The following TBC1D24 variants were observed in gnomAD, a reference collection of about 807,000 sequenced individuals.
TBC1D24 encodes TBC1 domain family member 24.
Under a neutral mutation model 50.7 loss-of-function variants are expected in TBC1D24, and 47 were observed. That is an observed-to-expected ratio of 0.93 (90% CI 0.73 to 1.18). The LOEUF (loss-of-function observed/expected upper bound fraction) is 1.18, where lower values mean the gene tolerates loss of function less well. TBC1D24 is among the 50% of genes most tolerant of loss of function. TBC1D24 has a pLI of 0.00. For missense variants in TBC1D24, 688 were observed against 766.5 expected (o/e 0.90, Z 1.21); for synonymous variants, 324 against 335.2 (o/e 0.97, Z 0.36).
chr16:2,496,615 G>C lies in TBC1D24; in HGVS notation c.467G>C (p.Cys156Ser). The C allele has an allele frequency of 1.2e-6, 2 of 1,611,256 alleles. No individual in the cohort carries two copies. Among genetic ancestry groups the C allele is most frequent in the Non-Finnish European group, 1.7e-6 (2 of 1,180,034 alleles). The change falls in exon 2 of 8, where the codon TGC becomes TCC. Residue 156 changes from cysteine (C) to serine (S), a missense_variant. Cys to Ser is a moderately radical substitution (Grantham distance 112). Coordinates refer to ENST00000646147, the MANE Select transcript of TBC1D24 (RefSeq NM_001199107.2). ...IDEAECFEKA[C>S]RILACNDPGR... ...GAGGCCGAGTGCTTCGAGAAGGCCT[G>C]CCGCATCCTGGCCTGCAATGACCCC...
At chr16:2,489,092 GA>G (rs1251358471) in intron 1 of TBC1D24, among the ~76,000 whole-genome samples, 1 of 143,204 alleles carries the variant, frequency 7.0e-6, no homozygotes, top group Non-Finnish European at 1.5e-5. Flanking sequence ...AAACAAGAAA[GA>G]AATATTTGCT....
In TBC1D24 at chr16:2,496,316, G is replaced by T; in HGVS notation, c.168G>T (p.Gln56His). The T allele has an allele frequency of 1.2e-6, 2 of 1,613,662 alleles. No homozygotes were observed. Among genetic ancestry groups the T allele is most frequent in the Non-Finnish European group, 1.7e-6 (2 of 1,180,034 alleles). Residue 56 changes from glutamine (Q) to histidine (H), a missense_variant, in exon 2 of 8, where the codon CAG becomes CAT. Gln to His is a conservative substitution (Grantham distance 24). Coordinates refer to ENST00000646147, the MANE Select transcript of TBC1D24 (RefSeq NM_001199107.2). Reference sequence around the variant, plus strand: ...ACGCCCTGCGGGGAAAGGTGTACCAGCGCCTGATCCGGGACATTCCCTGCC... The same window carrying T: ...ACGCCCTGCGGGGAAAGGTGTACCATCGCCTGATCCGGGACATTCCCTGCC... ...QSHALRGKVYQRLIRDIPCRT... is the reference protein window; with the variant it reads ...QSHALRGKVYHRLIRDIPCRT...
In TBC1D24 at chr16:2,487,761, CG is replaced by C. The variant is rs1486661099; in HGVS notation, c.-115-8269del. Reference sequence around the variant, plus strand: ...GTGGTGTTACTAGTGGCAGCCTTGCCGGGGTGGCCTGTGTCTCCAGGACTCG... The same window carrying C: ...GTGGTGTTACTAGTGGCAGCCTTGCCGGGTGGCCTGTGTCTCCAGGACTCG... On this transcript the variant is annotated intron_variant, in intron 1 of 7. Transcript: ENST00000646147. This position sits in a 1 kb window ranked among gnomAD's most constrained non-coding sequence, Gnocchi z 4.1. 6.6e-6 allele frequency among the ~76,000 whole-genome samples: 1 copy of C among 151,970 alleles called. No homozygotes were observed. Among genetic ancestry groups the C allele is most frequent in the African/African-American group, 2.4e-5 (1 of 41,348 alleles).
intron 1 of TBC1D24, among the ~76,000 whole-genome samples, chr16:2,493,078 G>A (rs750172640): frequency 1.3e-5 from 2 of 151,844 alleles, no homozygotes; most frequent in African/African-American, 2.4e-5. Flanking sequence ...GGACGACAGT[G>A]CGGCACTCTG....
chr16:2,495,068 A>G (rs1159272270), intron 1 of TBC1D24, among the ~76,000 whole-genome samples: 1 of 152,034 alleles, frequency 6.6e-6, no homozygotes, highest in Non-Finnish European at 1.5e-5. Context: ...AAACAAAAAA[A>G]CAGGCCAGGA....
chr16:2,503,148 G>A lies in TBC1D24; in HGVS notation c.*2190G>A, dbSNP rs1484890843. On this transcript the variant is annotated 3_prime_UTR_variant, in exon 8 of 8. Coordinates refer to ENST00000646147, the MANE Select transcript of TBC1D24 (RefSeq NM_001199107.2). ...TGGCTGCCCCCAGGGGGCCCCACCC[G>A]GGCCTTCCAGTGATCTGGACCAGGA... The A allele has an allele frequency of 2.0e-5, 3 of 152,338 alleles. No individual in the cohort carries two copies. The highest frequency in any genetic ancestry group is 2.1e-4 in the South Asian group (1 of 4,834). 9.4% of individuals were successfully genotyped at this position (152,338 alleles called of 1,614,324 possible).
intron 4 of TBC1D24, 58 bp downstream of exon 4, chr16:2,498,454 A>C: frequency 6.6e-7 from 1 of 1,516,150 alleles, no homozygotes; most frequent in Non-Finnish European, 8.9e-7. Context: ...TGTCCTGCCC[A>C]CAGAGGCTGG....
chr16:2,503,492 A>C lies in TBC1D24; in HGVS notation c.*2534A>C, dbSNP rs1048968556. On this transcript the variant is annotated 3_prime_UTR_variant, in exon 8 of 8. Transcript: ENST00000646147. ...AAGTAGCCATTCTTTGTTTAAAAAA[A>C]AAAAAAGCCAACATTTGTTGAAACT... 3 of 151,986 alleles carry C rather than the reference A, an allele frequency of 2.0e-5. No homozygotes were observed. Among genetic ancestry groups the C allele is most frequent in the Non-Finnish European group, 2.9e-5 (2 of 68,014 alleles). 9.4% of individuals were successfully genotyped at this position (151,986 alleles called of 1,614,324 possible).
Position 2,499,794 on chromosome 16 carries a change from G to A in TBC1D24, c.1207-41G>A, listed in dbSNP as rs1185923043. 1 of 1,563,106 alleles carries A rather than the reference G, an allele frequency of 6.4e-7. No individual in the cohort carries two copies. The highest frequency in any genetic ancestry group is 1.3e-5 in the African/African-American group (1 of 74,084). On this transcript the variant is annotated intron_variant, in intron 5 of 7. Transcript: ENST00000646147. This position sits in a 1 kb window ranked among gnomAD's most constrained non-coding sequence, Gnocchi z 4.0. ...TAGTCTGGAGCACAGGGACGCTCCT[G>A]GGGGCCTGCGGGCACAGCCTCACCC...
chr16:2,490,093 T>C lies in TBC1D24; in HGVS notation c.-115-5941T>C, dbSNP rs1306305742. Reference sequence around the variant, plus strand: ...ACTCCTCTGGCTCAATGTCATCTCCTGGGAGAGGTGTGCCCTGAGGATCCT... The same window carrying C: ...ACTCCTCTGGCTCAATGTCATCTCCCGGGAGAGGTGTGCCCTGAGGATCCT... On this transcript the variant is annotated intron_variant, in intron 1 of 7. Transcript: ENST00000646147. Among the ~76,000 whole-genome samples, 7 of 152,214 alleles carry C rather than the reference T, an allele frequency of 4.6e-5. No homozygotes were observed. In the South Asian group the frequency reaches 8.3e-4, roughly 18 times the overall value.
chr16:2,492,499 G>C (rs2065703654), intron 1 of TBC1D24, among the ~76,000 whole-genome samples: 1 of 152,182 alleles, frequency 6.6e-6, no homozygotes. Context: ...ATTGCCTTAA[G>C]AAGGAGCCAG....
intron 1 of TBC1D24, among the ~76,000 whole-genome samples, chr16:2,489,690 C>T (rs1486771849): frequency 6.6e-6 from 1 of 152,180 alleles, no homozygotes; most frequent in African/African-American, 2.4e-5. Flanking sequence ...GTTGCACCTC[C>T]CTCTGCAGGA....
intron 4 of TBC1D24, 124 bp downstream of exon 4, chr16:2,498,520 A>G: frequency 1.1e-6 from 1 of 931,956 alleles, no homozygotes; most frequent in Non-Finnish European, 1.6e-6. Context: ...TGTGGGGCCT[A>G]AGAATCAGGG....
In TBC1D24 at chr16:2,481,826, A is replaced by T. The variant is rs906660880; in HGVS notation, c.-116+6656A>T. The T allele has an allele frequency of 3.3e-5, 5 of 152,244 alleles. No individual in the cohort carries two copies. In the South Asian group the frequency reaches 1.0e-3, roughly 31 times the overall value. The allele number at this position is 152,244 out of a possible 1,614,324, so 9.4% of individuals were successfully genotyped here. ...AGCAGCCACAGTTAGGCACGTTTGC[A>T]CTTCCAACCATCACAGGCAGGCGGG... On this transcript the variant is annotated intron_variant, in intron 1 of 7. Transcript: ENST00000646147.
chr16:2,500,936 T>C lies in TBC1D24; in HGVS notation c.1658T>C (p.Phe553Ser), dbSNP rs914797781. The stretch of plus-strand genomic sequence containing the variant: ...ATTGCTGCCGTGGAGGCCTGGGGCT[T>C]CCAGGACCCTGACACCCAGTGACGG... ...FLIAAVEAWG[F>S]QDPDTQ The change falls in exon 8 of 8, where the codon TTC becomes TCC. Residue 553 changes from phenylalanine to serine, a missense_variant. Transcript: ENST00000646147. This position sits in a 1 kb window ranked among gnomAD's most constrained non-coding sequence, Gnocchi z 8.0. The C allele has an allele frequency of 1.2e-6, 2 of 1,611,844 alleles. No individual in the cohort carries two copies. Among genetic ancestry groups the C allele is most frequent in the African/African-American group, 1.3e-5 (1 of 74,918 alleles).
intron 1 of TBC1D24, among the ~76,000 whole-genome samples, chr16:2,488,815 C>T (rs1467063361): frequency 2.1e-5 from 3 of 145,532 alleles, no homozygotes; most frequent in African/African-American, 7.6e-5. Flanking sequence ...AATCCCAGCA[C>T]TTTGGGAGGC....
chr16:2,497,870 C>T (rs899941120), intron 3 of TBC1D24, 143 bp downstream of exon 3: 21 of 836,672 alleles, frequency 2.5e-5, no homozygotes, highest in Middle Eastern at 2.4e-4. Flanking sequence ...GATGCTCAGG[C>T]GCCTTCTGTC....
At chr16:2,491,287 T>C (rs995961250) in intron 1 of TBC1D24, among the ~76,000 whole-genome samples, 7 of 152,230 alleles carry the variant, frequency 4.6e-5, no homozygotes, top group Non-Finnish European at 7.3e-5. Flanking sequence ...GATTTTTGCA[T>C]TCAAATATCA....
rs533028294 is a variant in TBC1D24, at chr16:2,501,306, C to G, written c.*348C>G. On this transcript the variant is annotated 3_prime_UTR_variant, in exon 8 of 8. Transcript: ENST00000646147. ...CTGCCCCTGAGCCTCTCTAGGCAGC[C>G]TGAGCCCCTGGGGTGGGAGTACAAC... 5.9e-5 allele frequency: 20 copies of G among 337,692 alleles called. No homozygotes were observed. The East Asian group carries it at 1.0e-3, about 18-fold the overall frequency. The allele number at this position is 337,692 out of a possible 1,614,324, so 20.9% of individuals were successfully genotyped here.
Sources: allele counts gnomAD v4.1 joint callset (sites outside exome capture counted in the v4.1 genomes callset), GRCh38; gene constraint gnomAD v4.1.1; non-coding constraint Gnocchi (gnomAD v3.1); transcripts MANE v1.5; gene names NCBI Gene and HGNC (gene_info 2026-07-23, HGNC 2026-07-21).